ACAN: variants seen among roughly 807,000 people sequenced by gnomAD.
ACAN encodes aggrecan core protein.
In ACAN, 47 loss-of-function variants were observed where a neutral mutation model predicts 169.1. The ratio of observed to expected loss-of-function variants is 0.28; its 90% CI spans 0.22 to 0.35. The LOEUF (loss-of-function observed/expected upper bound fraction) is 0.35. Ranked by LOEUF, ACAN falls within the 10% of genes least tolerant of loss-of-function variation. The probability of loss-of-function intolerance (pLI) is 1.00; values close to 1 mark genes in which losing one functional copy is unlikely to be tolerated. For missense variants in ACAN, 2,716 were observed against 2,759.9 expected (o/e 0.98, Z 0.36); for synonymous variants, 1,115 against 1,112.2 (o/e 1.00, Z -0.05).
rs1476653860 is a variant in ACAN at position 88,873,097 on chromosome 15, G to T, written c.7447+72G>T. On this transcript the variant is annotated intron_variant, in intron 17 of 18. Coordinates refer to ENST00000560601, the MANE Select transcript of ACAN (RefSeq NM_001369268.1). The surrounding 1 kb of genome is among the most constrained non-coding windows in gnomAD (Gnocchi z 7.5). The stretch of plus-strand genomic sequence containing the variant: ...TCCAGCTACAGGTGAGGCTCTTGCT[G>T]TGTGGCCTGGGGTGAGTCCCTTGTC... 1.3e-6 allele frequency: 2 copies of T among 1,541,024 alleles called. No homozygotes were observed. Among genetic ancestry groups the T allele is most frequent in the Admixed American group, 1.9e-5 (1 of 51,922 alleles).
At position 88,839,984 on chromosome 15, in the gene ACAN, C is replaced by G. The variant is rs373051711; in HGVS notation, c.455-28C>G. The G allele has an allele frequency of 1.3e-6, 2 of 1,579,062 alleles. No homozygotes were observed. The highest frequency in any genetic ancestry group is 2.7e-5 in the African/African-American group (2 of 74,296). On this transcript the variant is annotated intron_variant, in intron 3 of 18. Transcript: ENST00000560601. The surrounding 1 kb of genome is among the most constrained non-coding windows in gnomAD (Gnocchi z 4.5). ...AGAGACTGTGCCTGACCAGCTCTTC[C>G]GCTTGTGGGCGTGTATGTGTCTTGC...
At position 88,871,440 on chromosome 15, in the gene ACAN, C is replaced by T; in HGVS notation, c.7119C>T (p.Phe2373=). Residue 2373 remains phenylalanine, a synonymous_variant, in exon 15 of 19, where the codon TTC becomes TTT. Coordinates refer to ENST00000560601, the MANE Select transcript of ACAN (RefSeq NM_001369268.1). This position sits in a 1 kb window ranked among gnomAD's most constrained non-coding sequence, Gnocchi z 7.8. ...ACCAGGGCCACTGTTACCGCCACTTCCCGGACCGCGAGACCTGGGTGGATG... is the reference window on the plus strand; with the variant it reads ...ACCAGGGCCACTGTTACCGCCACTTTCCGGACCGCGAGACCTGGGTGGATG... ...NKYQGHCYRH[F]PDRETWVDAE... 4 of 1,613,964 alleles carry T rather than the reference C, an allele frequency of 2.5e-6. No homozygotes were observed. Among genetic ancestry groups the T allele is most frequent in the East Asian group, 2.2e-5 (1 of 44,882 alleles).
chr15:88,816,741 G>C (rs892728355), intron 1 of ACAN, among the ~76,000 whole-genome samples: 3 of 152,178 alleles, frequency 2.0e-5, no homozygotes, highest in African/African-American at 7.2e-5. Flanking sequence ...AAAGAGGCCT[G>C]TTACCCAGAA....
intron 1 of ACAN, among the ~76,000 whole-genome samples, chr15:88,823,150 G>T (rs1331898466): frequency 1.3e-5 from 2 of 152,212 alleles, no homozygotes; most frequent in African/African-American, 4.8e-5. Context: ...TTCTCATAGA[G>T]GAAAGATCTC....
chr15:88,867,979 C>T (rs1018901451), intron 13 of ACAN, among the ~76,000 whole-genome samples: 2 of 152,226 alleles, frequency 1.3e-5, no homozygotes, highest in African/African-American at 4.8e-5. Context: ...TCCAGTGCTC[C>T]AAGTTTACCA....
rs150014590 is a variant in ACAN at position 88,853,713 on chromosome 15, T to C, written c.2267-1139T>C. ...ATGACTGCAAATGGTCATCCTGATG[T>C]GTTTCATAGATAAATAGATAGATGA... On this transcript the variant is annotated intron_variant, in intron 11 of 18. Coordinates refer to ENST00000560601, the MANE Select transcript of ACAN (RefSeq NM_001369268.1). Among the ~76,000 whole-genome samples the C allele has an allele frequency of 1.8e-3, 274 of 152,144 alleles. 1 individual carries two copies. The highest frequency in any genetic ancestry group is 6.3e-3 in the African/African-American group (260 of 41,486).
Position 88,843,834 on chromosome 15 carries a change from C to G in ACAN, c.1051+186C>G, listed in dbSNP as rs1022862565. ...CCTAGGAAGCCCTAAGGTAGAGACT[C>G]TTGAGACTGCAGCGTATCTAGCTCT... On this transcript the variant is annotated intron_variant, in intron 6 of 18. Coordinates refer to ENST00000560601, the MANE Select transcript of ACAN (RefSeq NM_001369268.1). The surrounding 1 kb of genome is among the most constrained non-coding windows in gnomAD (Gnocchi z 4.0). 2.0e-5 allele frequency among the ~76,000 whole-genome samples: 3 copies of G among 152,184 alleles called. No individual in the cohort carries two copies. Among genetic ancestry groups the G allele is most frequent in the Non-Finnish European group, 4.4e-5 (3 of 68,032 alleles).
At position 88,845,718 on chromosome 15, in the gene ACAN, C is replaced by G. The variant is rs769892728; in HGVS notation, c.1265C>G (p.Pro422Arg). Residue 422 changes from proline to arginine, a missense_variant, in exon 7 of 19, where the codon CCT (proline) becomes CGT (arginine). This residue lies in a region of ACAN where 1,283 missense variants were observed against 1,281.5 expected (regional missense o/e 1.00). Transcript: ENST00000560601. ...CCCGAGGAGCCCTTCACGTTTGCCCCTGAAATAGGGGCCACTGCCTTCGCT... is the reference window on the plus strand; with the variant it reads ...CCCGAGGAGCCCTTCACGTTTGCCCGTGAAATAGGGGCCACTGCCTTCGCT... ...LEPEEPFTFA[P>R]EIGATAFAEV... 1.2e-6 allele frequency: 2 copies of G among 1,613,942 alleles called. No individual in the cohort carries two copies. The highest frequency in any genetic ancestry group is 1.7e-6 in the Non-Finnish European group (2 of 1,179,864).
intron 1 of ACAN, among the ~76,000 whole-genome samples, chr15:88,824,599 C>T (rs535396467): frequency 6.6e-6 from 1 of 152,270 alleles, no homozygotes; most frequent in Non-Finnish European, 1.5e-5. Context: ...ATGCTATCGG[C>T]CAGGTGTGGT....
At chr15:88,860,037 C>T (rs1260507938) in intron 12 of ACAN, among the ~76,000 whole-genome samples, 4 of 149,244 alleles carry the variant, frequency 2.7e-5, no homozygotes, top group East Asian at 1.9e-4. Context: ...CTCCAAGTGC[C>T]GGGCAGCGGG....
At chr15:88,830,565 G>T (rs564135772) in intron 1 of ACAN, among the ~76,000 whole-genome samples, 13 of 152,170 alleles carry the variant, frequency 8.5e-5, no homozygotes, top group Middle Eastern at 6.8e-3. Flanking sequence ...GATAGGTTTA[G>T]ATACACAAAT....
chr15:88,808,629 G>A (rs892833441), intron 1 of ACAN, among the ~76,000 whole-genome samples: 1 of 152,162 alleles, frequency 6.6e-6, no homozygotes, highest in East Asian at 1.9e-4. Flanking sequence ...GGAGACTGAG[G>A]TGCTTGCTGC....
At position 88,871,363 on chromosome 15, in the gene ACAN, C is replaced by A; in HGVS notation, c.7061-19C>A. The A allele has an allele frequency of 6.2e-7, 1 of 1,613,654 alleles. No homozygotes were observed. The highest frequency in any genetic ancestry group is 8.5e-7 in the Non-Finnish European group (1 of 1,179,868). Reference sequence around the variant, plus strand: ...GGTGGCCTCTGCCCCTCCCTTCAAGCCCCTGACCTGTGTTGCAGACCAGGA... The same window carrying A: ...GGTGGCCTCTGCCCCTCCCTTCAAGACCCTGACCTGTGTTGCAGACCAGGA... On this transcript the variant is annotated intron_variant, in intron 14 of 18. Transcript: ENST00000560601. This position sits in a 1 kb window ranked among gnomAD's most constrained non-coding sequence, Gnocchi z 7.8.
At chr15:88,848,267 G>C (rs576284597) in intron 9 of ACAN, among the ~76,000 whole-genome samples, 3 of 152,190 alleles carry the variant, frequency 2.0e-5, no homozygotes, top group Non-Finnish European at 4.4e-5. Flanking sequence ...CAGCATTGCA[G>C]GGGAGCATCA....
intron 7 of ACAN, among the ~76,000 whole-genome samples, chr15:88,846,865 C>G (rs760228749): frequency 6.6e-6 from 1 of 152,176 alleles, no homozygotes. Context: ...AAATATTTAC[C>G]ATTCGGCTCT....
chr15:88,829,127 C>T (rs1044966900), intron 1 of ACAN, among the ~76,000 whole-genome samples: 7 of 149,420 alleles, frequency 4.7e-5, no homozygotes, highest in Admixed American at 6.7e-5. Flanking sequence ...ATTTAAGATG[C>T]TTCAGTGATG....
Position 88,869,680 on chromosome 15 carries a change from G to A in ACAN, c.7060+1351G>A, listed in dbSNP as rs1288338490. 6.6e-6 allele frequency among the ~76,000 whole-genome samples: 1 copy of A among 152,180 alleles called. No individual in the cohort carries two copies. The highest frequency in any genetic ancestry group is 1.9e-4 in the East Asian group (1 of 5,186). ...GGAATGGAGGCAGGACCCTCACAGG[G>A]CTCTGTACCCTGATGGGGCAGAGAG... is the stretch of plus-strand genomic sequence containing the variant. On this transcript the variant is annotated intron_variant, in intron 14 of 18. Transcript: ENST00000560601. The surrounding 1 kb of genome is among the most constrained non-coding windows in gnomAD (Gnocchi z 4.2).
intron 1 of ACAN, among the ~76,000 whole-genome samples, chr15:88,810,535 A>C (rs751655256): frequency 6.6e-6 from 1 of 151,910 alleles, no homozygotes; most frequent in Non-Finnish European, 1.5e-5. Context: ...CTCCCCAAGC[A>C]GATGCTCCCT....
intron 1 of ACAN, among the ~76,000 whole-genome samples, chr15:88,827,956 T>G (rs533421448): frequency 6.6e-6 from 1 of 152,252 alleles, no homozygotes; most frequent in South Asian, 2.1e-4. Context: ...CAGGGCCTGC[T>G]CCCACCCTGG....
Sources: gnomAD v4.1 joint callset for allele counts (sites outside exome capture counted in the v4.1 genomes callset) on GRCh38, gnomAD v4.1.1 for gene constraint, gnomAD v4.1.1 regional missense constraint, Gnocchi (gnomAD v3.1) non-coding constraint, MANE v1.5 for transcripts, NCBI Gene and HGNC (gene_info 2026-07-23, HGNC 2026-07-21) for gene names.